CRPPA: variants seen among roughly 807,000 people sequenced by gnomAD.
CRPPA encodes D-ribitol-5-phosphate cytidylyltransferase.
CRPPA carries 43 observed loss-of-function variants against 52.0 expected under a neutral mutation model. That is an observed-to-expected ratio of 0.83 (90% CI 0.65 to 1.07). The LOEUF (loss-of-function observed/expected upper bound fraction) is 1.07. Ranked by LOEUF, CRPPA falls within the 50% of genes least tolerant of loss-of-function variation. The pLI, the probability that CRPPA is intolerant of heterozygous loss-of-function variation, is 0.00. For synonymous variants in CRPPA, 250 were observed against 203.5 expected (o/e 1.23, Z -1.94); for missense variants, 629 against 551.7 (o/e 1.14, Z -1.40).
chr7:16,295,965 A>C (rs1428316919), intron 5 of CRPPA, among the ~76,000 whole-genome samples: 6 of 152,176 alleles, frequency 3.9e-5, no homozygotes, highest in Non-Finnish European at 5.9e-5. Context: ...AGCCTGAATG[A>C]GTTAAACATT....
chr7:16,258,964 G>GT lies in CRPPA; in HGVS notation c.981_982insA (p.Gln328ThrfsTer20). ...TAGCATTGATCTAAGATGATTTGCT[G>GT]AAGATGTCTGCCAGCATGACCCAGA... On this transcript the variant is annotated frameshift_variant, in exon 7 of 10. Coordinates refer to ENST00000407010, the MANE Select transcript of CRPPA (RefSeq NM_001101426.4). LOFTEE classifies it high-confidence loss of function. The GT allele has an allele frequency of 6.2e-7, 1 of 1,611,142 alleles. No homozygotes were observed. The highest frequency in any genetic ancestry group is 8.5e-7 in the Non-Finnish European group (1 of 1,178,374).
chr7:16,279,100 A>G (rs1041137870), intron 5 of CRPPA, among the ~76,000 whole-genome samples: 3 of 152,214 alleles, frequency 2.0e-5, no homozygotes, highest in Non-Finnish European at 4.4e-5. Context: ...ATAGCATTAT[A>G]TCATGGATAA....
chr7:16,208,068 G>T (rs922099479), intron 9 of CRPPA, among the ~76,000 whole-genome samples: 3 of 152,004 alleles, frequency 2.0e-5, no homozygotes, highest in Non-Finnish European at 4.4e-5. Flanking sequence ...TTTCTCAATT[G>T]CAACAACACT....
At chr7:16,338,842 G>T (rs1490943271) in intron 3 of CRPPA, among the ~76,000 whole-genome samples, 5 of 142,610 alleles carry the variant, frequency 3.5e-5, no homozygotes, top group African/African-American at 1.3e-4. Flanking sequence ...TTGAGACAGA[G>T]TGCTGCTCTG....
chr7:16,214,810 G>T (rs1782260984), intron 9 of CRPPA, among the ~76,000 whole-genome samples: 1 of 152,308 alleles, frequency 6.6e-6, no homozygotes, highest in Admixed American at 6.5e-5. Context: ...CACAAAGAGA[G>T]AATATTACTG....
chr7:16,106,280 C>T (rs111932714), intron 9 of CRPPA, among the ~76,000 whole-genome samples: 19 of 152,308 alleles, frequency 1.2e-4, no homozygotes, highest in South Asian at 2.1e-4. Context: ...TTGTCAACCA[C>T]GCATTTCTAA....
intron 9 of CRPPA, among the ~76,000 whole-genome samples, chr7:16,099,596 C>T (rs187068577): frequency 6.6e-6 from 1 of 152,040 alleles, no homozygotes; most frequent in Admixed American, 6.5e-5. Context: ...CTTTACGGAG[C>T]AGGAACAGAG....
At chr7:16,295,958 C>T (rs1784665452) in intron 5 of CRPPA, among the ~76,000 whole-genome samples, 1 of 152,056 alleles carries the variant, frequency 6.6e-6, no homozygotes, top group Non-Finnish European at 1.5e-5. Flanking sequence ...CAGTAGAAGC[C>T]TGAATGAGTT....
chr7:16,273,168 C>T (rs189932087), intron 6 of CRPPA, among the ~76,000 whole-genome samples: 6 of 140,790 alleles, frequency 4.3e-5, no homozygotes, highest in Admixed American at 3.0e-4. Flanking sequence ...AGTACTGATA[C>T]AAACAGGAGA....
At chr7:16,169,679 T>C (rs1405346848) in intron 9 of CRPPA, among the ~76,000 whole-genome samples, 1 of 152,234 alleles carries the variant, frequency 6.6e-6, no homozygotes, top group Non-Finnish European at 1.5e-5. Context: ...GTACTTGAAA[T>C]GAAGTTCTTT....
At chr7:16,325,543 A>G (rs1483047102) in intron 3 of CRPPA, among the ~76,000 whole-genome samples, 1 of 152,172 alleles carries the variant, frequency 6.6e-6, no homozygotes, top group Non-Finnish European at 1.5e-5. Flanking sequence ...CAATCATCTC[A>G]AAACACTCCT....
At chr7:16,358,992 T>C (rs1786375772) in intron 3 of CRPPA, among the ~76,000 whole-genome samples, 1 of 152,260 alleles carries the variant, frequency 6.6e-6, no homozygotes, top group African/African-American at 2.4e-5. Flanking sequence ...TCTAAGTTCT[T>C]GTTGAAGGGC....
chr7:16,146,990 G>A (rs1158875386), intron 9 of CRPPA, among the ~76,000 whole-genome samples: 1 of 152,156 alleles, frequency 6.6e-6, no homozygotes, highest in Non-Finnish European at 1.5e-5. Flanking sequence ...TTAAAAATAA[G>A]ATCCAATTCT....
intron 9 of CRPPA, among the ~76,000 whole-genome samples, chr7:16,190,290 CTT>C (rs1404016706): frequency 6.6e-6 from 1 of 152,148 alleles, no homozygotes; most frequent in African/African-American, 2.4e-5. Flanking sequence ...CAATTGCTAA[CTT>C]TTAATAGAAG....
At chr7:16,221,170 AC>A (rs1230260655) in intron 8 of CRPPA, among the ~76,000 whole-genome samples, 3 of 152,212 alleles carry the variant, frequency 2.0e-5, no homozygotes, top group African/African-American at 7.2e-5. Context: ...TCTTTGACAA[AC>A]CTGAGAAAAA....
chr7:16,419,233 A>C (rs1473349747), intron 1 of CRPPA, among the ~76,000 whole-genome samples: 1 of 152,224 alleles, frequency 6.6e-6, no homozygotes, highest in African/African-American at 2.4e-5. Context: ...CCAAACTCCA[A>C]TATTCAGAAA....
At chr7:16,357,684 T>C (rs1411628650) in intron 3 of CRPPA, among the ~76,000 whole-genome samples, 10 of 151,998 alleles carry the variant, frequency 6.6e-5, no homozygotes. Flanking sequence ...CAGTCAAGAG[T>C]CATAAACGCC....
intron 9 of CRPPA, among the ~76,000 whole-genome samples, chr7:16,154,925 A>C (rs1047091918): frequency 1.4e-5 from 2 of 145,086 alleles, no homozygotes; most frequent in African/African-American, 2.6e-5. Flanking sequence ...CTCCTGCCTC[A>C]CCCTCCCGAG....
intron 2 of CRPPA, among the ~76,000 whole-genome samples, chr7:16,403,531 T>A (rs1305146417): frequency 6.6e-6 from 1 of 152,080 alleles, no homozygotes; most frequent in African/African-American, 2.4e-5. Context: ...AGGTAGAACC[T>A]GAAAATTAAT....
Sources: allele counts gnomAD v4.1 joint callset (sites outside exome capture counted in the v4.1 genomes callset), GRCh38; gene constraint gnomAD v4.1.1; transcripts MANE v1.5; gene names NCBI Gene and HGNC (gene_info 2026-07-23, HGNC 2026-07-21).